HIRA: variants seen among roughly 807,000 people sequenced by gnomAD.
HIRA encodes the protein histone cell cycle regulator, also known as protein HIRA.
In HIRA, 13 loss-of-function variants were observed where a neutral mutation model predicts 126.6. That is an observed-to-expected ratio of 0.10 (90% CI 0.07 to 0.16). The LOEUF (loss-of-function observed/expected upper bound fraction) is 0.16, where lower values mean the gene tolerates loss of function less well. HIRA is among the 10% of genes least tolerant of loss of function. HIRA has a pLI of 1.00. For synonymous variants in HIRA, 511 were observed against 520.0 expected, an observed-to-expected ratio of 0.98 and a Z score of 0.24; for missense variants, 834 against 1,314.4, an observed-to-expected ratio of 0.63 and a Z score of 5.65.
intron 15 of HIRA, among the ~76,000 whole-genome samples, chr22:19,370,366 C>T (rs1271600014): frequency 2.6e-5 from 4 of 152,170 alleles, no homozygotes; most frequent in Non-Finnish European, 5.9e-5. Context: ...GCCTCAGCCT[C>T]CTGAGTAGCT....
chr22:19,348,855 G>A (rs1430812448), intron 24 of HIRA, among the ~76,000 whole-genome samples: 1 of 151,644 alleles, frequency 6.6e-6, no homozygotes, highest in African/African-American at 2.4e-5. Context: ...GGAGTACAAT[G>A]GCGTGATCTT....
rs1556004406 is a variant in HIRA, at chr22:19,331,127, C to T, written c.*313G>A. 7.7e-7 allele frequency: 1 copy of T among 1,299,502 alleles called. No individual in the cohort carries two copies. The highest frequency in any genetic ancestry group is 1.0e-6 in the Non-Finnish European group (1 of 997,664). The allele number at this position is 1,299,502 out of a possible 1,614,324, so 80.5% of individuals were successfully genotyped here. A position where few individuals can be genotyped will look rare whatever the true frequency, so the allele number is the denominator to read the frequency against. On this transcript the variant is annotated 3_prime_UTR_variant, in exon 25 of 25. Transcript: ENST00000263208. ...CTGCAGCAGCAGGGGCTAGTGTCCA[C>T]CTTGGGGCCGTGCTGGAGACGGCAG... is the stretch of plus-strand genomic sequence containing the variant.
chr22:19,340,174 T>C (rs545133497), intron 24 of HIRA, among the ~76,000 whole-genome samples: 17 of 152,260 alleles, frequency 1.1e-4, no homozygotes, highest in African/African-American at 3.4e-4. Flanking sequence ...TAATACACCA[T>C]GATCAAGTGG....
chr22:19,398,654 A>AT (rs1372520703), intron 5 of HIRA, among the ~76,000 whole-genome samples: 3 of 152,230 alleles, frequency 2.0e-5, no homozygotes, highest in Admixed American at 2.0e-4. Flanking sequence ...TTGTGACTCC[A>AT]TTTTATCATT....
rs116604654 is a variant in HIRA, at chr22:19,361,775, C to A, written c.1932G>T (p.Gly644=). 6.2e-7 allele frequency: 1 copy of A among 1,613,472 alleles called. No homozygotes were observed. Among genetic ancestry groups the A allele is most frequent in the East Asian group, 2.2e-5 (1 of 44,880 alleles). ...TGAGACGAGAGTCCTTCCGAGGCCGCCCTTTCTTCTTCTTCTCTACTGTCT... is the reference window on the plus strand; with the variant it reads ...TGAGACGAGAGTCCTTCCGAGGCCGACCTTTCTTCTTCTTCTCTACTGTCT... The part of the protein sequence containing the change: ...EVETVEKKKK[G]RPRKDSRLMP... Residue 644 remains glycine, a synonymous_variant, in exon 16 of 25, where the codon GGG becomes GGT. Transcript: ENST00000263208.
chr22:19,393,855 A>G (rs1331776644), intron 8 of HIRA, among the ~76,000 whole-genome samples: 2 of 152,174 alleles, frequency 1.3e-5, no homozygotes, highest in Non-Finnish European at 2.9e-5. Context: ...ACACTATTTA[A>G]TTAAAGTCAT....
intron 24 of HIRA, among the ~76,000 whole-genome samples, chr22:19,346,386 A>C (rs1556008921): frequency 6.6e-6 from 1 of 152,250 alleles, no homozygotes; most frequent in Non-Finnish European, 1.5e-5. Flanking sequence ...AATAAACCCA[A>C]GAAGAGCACA....
Position 19,408,474 on chromosome 22 carries a change from CTG to C in HIRA, c.211+7_211+8del. 1 of 1,566,374 alleles carries C rather than the reference CTG, an allele frequency of 6.4e-7. No individual in the cohort carries two copies. Among genetic ancestry groups the C allele is most frequent in the Non-Finnish European group, 8.8e-7 (1 of 1,136,566 alleles). The stretch of plus-strand genomic sequence containing the variant: ...CACGCAAAGCCTGCAAAGGGCCACT[CTG>C]TAATACCTAAGTGATTGTCCATCTG... On this transcript the variant is annotated splice_region_variant and intron_variant, in intron 3 of 24. Coordinates refer to ENST00000263208, the MANE Select transcript of HIRA (RefSeq NM_003325.4).
intron 15 of HIRA, among the ~76,000 whole-genome samples, chr22:19,364,992 A>G (rs1383781494): frequency 1.3e-5 from 2 of 152,342 alleles, no homozygotes; most frequent in Non-Finnish European, 2.9e-5. Context: ...TAATATGGAG[A>G]AAGTTTTAGT....
chr22:19,366,059 AT>A (rs2088909526), intron 15 of HIRA: 1 of 151,090 alleles, frequency 6.6e-6, no homozygotes, highest in Admixed American at 6.6e-5. Context: ...TAAATTAAAA[AT>A]AATAATTAAA....
chr22:19,385,003 C>T (rs1451049395), intron 12 of HIRA, among the ~76,000 whole-genome samples: 1 of 152,140 alleles, frequency 6.6e-6, no homozygotes, highest in African/African-American at 2.4e-5. Context: ...CTTCCTTCCA[C>T]AGAAAGCTTG....
intron 24 of HIRA, among the ~76,000 whole-genome samples, chr22:19,341,502 A>C (rs1042132661): frequency 1.3e-5 from 2 of 151,966 alleles, no homozygotes; most frequent in Admixed American, 6.6e-5. Context: ...CCAAATAGCC[A>C]AAGCAAGATA....
At chr22:19,379,850 C>T (rs2089056749) in intron 13 of HIRA, among the ~76,000 whole-genome samples, 1 of 152,014 alleles carries the variant, frequency 6.6e-6, no homozygotes, top group East Asian at 1.9e-4. Context: ...CGCTGTGTCG[C>T]CAGGCTGGAG....
intron 4 of HIRA, among the ~76,000 whole-genome samples, chr22:19,406,922 C>T (rs997573976): frequency 8.5e-5 from 13 of 152,134 alleles, no homozygotes; most frequent in Non-Finnish European, 1.8e-4. Context: ...ACAAAAGCAA[C>T]GAAGCCCCAC....
At chr22:19,349,020 G>A (rs1601807473) in intron 24 of HIRA, among the ~76,000 whole-genome samples, 1 of 151,480 alleles carries the variant, frequency 6.6e-6, no homozygotes, top group Admixed American at 6.6e-5. Context: ...CTGACCTCAG[G>A]TGATCCGCCC....
Position 19,351,143 on chromosome 22 carries a change from G to A in HIRA, c.2937+215C>T, listed in dbSNP as rs527396860. ...GCCTCCCTCAGCACAGGCACGTGGCGGAGCACTCCGTGGCTCCTGATGTCC... is the reference window on the plus strand; with the variant it reads ...GCCTCCCTCAGCACAGGCACGTGGCAGAGCACTCCGTGGCTCCTGATGTCC... On this transcript the variant is annotated intron_variant, in intron 24 of 24. Transcript: ENST00000263208. The surrounding 1 kb of genome is among the most constrained non-coding windows in gnomAD (Gnocchi z 4.8). 2.2e-5 allele frequency: 22 copies of A among 985,340 alleles called. 1 individual carries two copies. Among genetic ancestry groups the A allele is most frequent in the Non-Finnish European group, 2.5e-5 (21 of 829,908 alleles). 61.0% of individuals were successfully genotyped at this position (985,340 alleles called of 1,614,324 possible).
chr22:19,381,090 C>T (rs951125917), intron 13 of HIRA, among the ~76,000 whole-genome samples: 1 of 152,164 alleles, frequency 6.6e-6, no homozygotes, highest in Admixed American at 6.5e-5. Context: ...TTCTTTGAAG[C>T]CTCTCAGTAG....
chr22:19,332,051 G>A (rs1366173869), intron 24 of HIRA, among the ~76,000 whole-genome samples: 1 of 152,184 alleles, frequency 6.6e-6, no homozygotes, highest in African/African-American at 2.4e-5. Context: ...GAGGATGTTC[G>A]GATGCTGACC....
chr22:19,410,636 T>C, intron 2 of HIRA, 80 bp downstream of exon 2: 1 of 1,008,568 alleles, frequency 9.9e-7, no homozygotes, highest in Non-Finnish European at 1.6e-6. Flanking sequence ...AAGTATTCCC[T>C]CTACAGCTAA....
Sources: allele counts gnomAD v4.1 joint callset (sites outside exome capture counted in the v4.1 genomes callset), GRCh38; gene constraint gnomAD v4.1.1; non-coding constraint Gnocchi (gnomAD v3.1); transcripts MANE v1.5; gene names NCBI Gene and HGNC (gene_info 2026-07-23, HGNC 2026-07-21).